DNAH8: variants seen among roughly 807,000 people sequenced by gnomAD.
DNAH8 encodes the protein axonemal beta dynein heavy chain 8.
Under a neutral mutation model 562.1 loss-of-function variants are expected in DNAH8, and 382 were observed. The observed-to-expected ratio is 0.68, with a 90% CI of 0.63 to 0.74. The LOEUF is 0.74. Among genes scored for constraint, DNAH8 ranks in the 30% least tolerant of loss-of-function variants. The pLI, the probability that DNAH8 is intolerant of heterozygous loss-of-function variation, is 0.00. For synonymous variants in DNAH8, 1,881 were observed against 1,919.4 expected (o/e 0.98, Z 0.52); for missense variants, 5,203 against 5,620.4 (o/e 0.93, Z 2.37).
rs1346008902 is a variant in DNAH8, at chr6:38,737,921, T to C, written c.1065T>C (p.Thr355=). Residue 355 remains threonine, a synonymous_variant, in exon 7 of 93, where the codon ACT becomes ACC. Transcript: ENST00000327475. ...CTGCTGCAGCCAGCAACTCAGAAAC[T>C]GTTCATCAGCTGGAGGAAGTGCTGA... ...EVTAAASNSE[T]VHQLEEVLMV... is the part of the protein sequence containing the mutation. 2 of 1,607,838 alleles carry C rather than the reference T, an allele frequency of 1.2e-6. No individual in the cohort carries two copies. Among genetic ancestry groups the C allele is most frequent in the African/African-American group, 2.7e-5 (2 of 74,338 alleles).
chr6:38,868,011 A>C (rs201459679), intron 47 of DNAH8, 51 bp from the exon 48 acceptor site: 2 of 1,571,786 alleles, frequency 1.3e-6, no homozygotes, highest in East Asian at 4.5e-5. Context: ...CCGTGAGTCT[A>C]TGTTTAGTTT....
intron 45 of DNAH8, among the ~76,000 whole-genome samples, chr6:38,865,297 AG>A (rs1265114751): frequency 6.6e-6 from 1 of 152,220 alleles, no homozygotes; most frequent in African/African-American, 2.4e-5. Flanking sequence ...TAAAGCAGTT[AG>A]GGGGAAATAA....
At position 38,971,659 on chromosome 6, in the gene DNAH8, G is replaced by A. The variant is rs990624591; in HGVS notation, c.12519G>A (p.Met4173Ile). 3 of 1,598,984 alleles carry A rather than the reference G, an allele frequency of 1.9e-6. No individual in the cohort carries two copies. The highest frequency in any genetic ancestry group is 2.7e-5 in the African/African-American group (2 of 74,538). ...VHARKLIQMS[M>I]QQGGWVLLQN... ...CTCGAAAGCTGATTCAGATGTCAATGCAGCAGGTATGTGACAAGAGACTGC... is the reference window on the plus strand; with the variant it reads ...CTCGAAAGCTGATTCAGATGTCAATACAGCAGGTATGTGACAAGAGACTGC... The change falls in exon 83 of 93, where the codon ATG (methionine) becomes ATA (isoleucine). Residue 4173 changes from methionine to isoleucine, a missense_variant. Met to Ile is a conservative substitution (Grantham distance 10). Transcript: ENST00000327475.
intron 29 of DNAH8, among the ~76,000 whole-genome samples, chr6:38,826,658 G>A (rs1203273384): frequency 6.6e-6 from 1 of 152,008 alleles, no homozygotes; most frequent in East Asian, 1.9e-4. Flanking sequence ...TTTGATACTG[G>A]CACCAACATT....
At position 38,911,507 on chromosome 6, in the gene DNAH8, C is replaced by T; in HGVS notation, c.9780C>T (p.Leu3260=). ...CACATGTGACTCCCAAATCTTACCTCTCATTTATAAATGGTTATAAAAACA... is the reference window on the plus strand; with the variant it reads ...CACATGTGACTCCCAAATCTTACCTTTCATTTATAAATGGTTATAAAAACA... ...RRAHVTPKSY[L]SFINGYKNIY... Residue 3260 remains leucine (L), a synonymous_variant, in exon 66 of 93, where the codon CTC becomes CTT. Transcript: ENST00000327475. The T allele has an allele frequency of 6.2e-7, 1 of 1,613,908 alleles. No homozygotes were observed. The highest frequency in any genetic ancestry group is 8.5e-7 in the Non-Finnish European group (1 of 1,179,854).
chr6:38,815,996 A>G (rs978641418), intron 26 of DNAH8, among the ~76,000 whole-genome samples: 5 of 152,148 alleles, frequency 3.3e-5, no homozygotes, highest in African/African-American at 9.7e-5. Context: ...CCAAAATGTT[A>G]TGAACATTTT....
At chr6:38,818,509 T>C (rs1282194829) in intron 26 of DNAH8, among the ~76,000 whole-genome samples, 1 of 71,284 alleles carries the variant, frequency 1.4e-5, no homozygotes, top group Non-Finnish European at 2.7e-5. Context: ...GGTTGTAGTC[T>C]TCCAAAATAA....
At chr6:38,794,151 C>T (rs202153221) in intron 21 of DNAH8, among the ~76,000 whole-genome samples, 7 of 152,238 alleles carry the variant, frequency 4.6e-5, no homozygotes, top group East Asian at 3.9e-4. Context: ...AGAATTTGCT[C>T]CCCGCCAGCC....
At chr6:38,742,476 A>G (rs1291944595) in intron 8 of DNAH8, among the ~76,000 whole-genome samples, 1 of 151,380 alleles carries the variant, frequency 6.6e-6, no homozygotes, top group Non-Finnish European at 1.5e-5. Flanking sequence ...TAATTTTTGT[A>G]TTTGTTGTAG....
intron 64 of DNAH8, 42 bp downstream of exon 64, chr6:38,908,162 C>T: frequency 1.6e-6 from 2 of 1,276,346 alleles, no homozygotes; most frequent in Non-Finnish European, 2.1e-6. Context: ...GAAAGAGTTC[C>T]TTATTTAAAG....
chr6:38,887,782 A>G (rs1208914220), intron 57 of DNAH8, among the ~76,000 whole-genome samples: 4 of 152,070 alleles, frequency 2.6e-5, no homozygotes, highest in Non-Finnish European at 5.9e-5. Context: ...GCATATAAGA[A>G]CATTAATTAT....
chr6:38,898,118 G>C (rs1034110624), intron 60 of DNAH8, 140 bp from the exon 61 acceptor site: 1 of 751,140 alleles, frequency 1.3e-6, no homozygotes. Flanking sequence ...AGACTAATAC[G>C]TGAGAAACCT....
intron 36 of DNAH8, among the ~76,000 whole-genome samples, chr6:38,846,177 G>A (rs910646369): frequency 6.6e-6 from 1 of 152,152 alleles, no homozygotes; most frequent in East Asian, 1.9e-4. Context: ...CCACCCGTGA[G>A]AGCAATCTAC....
At chr6:38,722,732 C>T (rs1762856679) in intron 1 of DNAH8, 44 bp from the exon 2 acceptor site, 1 of 1,435,280 alleles carries the variant, frequency 7.0e-7, no homozygotes, top group South Asian at 1.5e-5. Context: ...ACGTACAACA[C>T]TCAATTTACT....
intron 82 of DNAH8, among the ~76,000 whole-genome samples, chr6:38,965,250 C>G (rs1248521731): frequency 6.6e-6 from 1 of 151,892 alleles, no homozygotes; most frequent in Non-Finnish European, 1.5e-5. Context: ...TAATACACTG[C>G]AGCTAAGATA....
intron 21 of DNAH8, among the ~76,000 whole-genome samples, chr6:38,799,341 C>T (rs1382314803): frequency 6.6e-6 from 1 of 152,000 alleles, no homozygotes; most frequent in Non-Finnish European, 1.5e-5. Flanking sequence ...TCTCGGTGAC[C>T]TTGTTCCGCC....
At chr6:38,789,286 T>C (rs761348) in intron 18 of DNAH8, among the ~76,000 whole-genome samples, 133,542 of 152,202 alleles carry the variant, frequency 0.88, 58,659 homozygotes, top group African/African-American at 0.9. Context: ...AACTCGAATC[T>C]GCATTTCCCA....
chr6:38,992,051 C>T (rs530956349), intron 88 of DNAH8, among the ~76,000 whole-genome samples: 5 of 152,192 alleles, frequency 3.3e-5, no homozygotes, highest in South Asian at 2.1e-4. Flanking sequence ...CCACAATCTC[C>T]GCCTCTCAGG....
Position 38,865,326 on chromosome 6 carries a change from G to A in DNAH8, c.6499-1265G>A, listed in dbSNP as rs189727994. The stretch of plus-strand genomic sequence containing the variant: ...GGAAATAAGAATAATCTGAAGTATT[G>A]ATTATAAGTCAGGAAGTGGGATGAA... On this transcript the variant is annotated intron_variant, in intron 45 of 92. Transcript: ENST00000327475. Among the ~76,000 whole-genome samples, 296 of 152,326 alleles carry A rather than the reference G, an allele frequency of 1.9e-3. 1 individual carries two copies. The highest frequency in any genetic ancestry group is 3.5e-3 in the Admixed American group (53 of 15,302).
Sources: gnomAD v4.1 joint callset for allele counts (sites outside exome capture counted in the v4.1 genomes callset) on GRCh38, gnomAD v4.1.1 for gene constraint, MANE v1.5 for transcripts, NCBI Gene and HGNC (gene_info 2026-07-23, HGNC 2026-07-21) for gene names.